The following LRRTM3 variants were observed in gnomAD, a reference collection of about 807,000 sequenced individuals.
The protein encoded by LRRTM3 is leucine rich repeat transmembrane neuronal 3.
LRRTM3 carries 24 observed loss-of-function variants against 44.7 expected under a neutral mutation model. The ratio of observed to expected loss-of-function variants is 0.54; its 90% CI spans 0.39 to 0.76. The LOEUF is 0.76. LRRTM3 is among the 30% of genes least tolerant of loss of function. The pLI is 0.00. For missense variants in LRRTM3, 587 were observed against 702.2 expected, an observed-to-expected ratio of 0.84 and a Z score of 1.85; for synonymous variants, 277 against 278.7, an observed-to-expected ratio of 0.99 and a Z score of 0.06.
intron 2 of LRRTM3, among the ~76,000 whole-genome samples, chr10:66,933,318 C>T (rs891367254): frequency 6.6e-6 from 1 of 152,186 alleles, no homozygotes; most frequent in East Asian, 1.9e-4. Flanking sequence ...TCACAATGTA[C>T]AACAGACATA....
chr10:66,938,014 C>T (rs944290578), intron 2 of LRRTM3, among the ~76,000 whole-genome samples: 4 of 151,974 alleles, frequency 2.6e-5, no homozygotes, highest in Non-Finnish European at 5.9e-5. Context: ...CCAATGGTGG[C>T]TGATACAGTC....
In LRRTM3 at chr10:67,018,729, A is replaced by T. The variant is rs937622863; in HGVS notation, c.1537-78858A>T. On this transcript the variant is annotated intron_variant, in intron 2 of 2. Coordinates refer to ENST00000361320, the MANE Select transcript of LRRTM3 (RefSeq NM_178011.5). ...TCCTCATATGCAAAATGAGAATGACATTAATTAAGGTTTTGTTGTGAAGAT... is the reference window on the plus strand; with the variant it reads ...TCCTCATATGCAAAATGAGAATGACTTTAATTAAGGTTTTGTTGTGAAGAT... 2.0e-5 allele frequency among the ~76,000 whole-genome samples: 3 copies of T among 152,228 alleles called. No individual in the cohort carries two copies. The East Asian group carries it at 5.8e-4, about 29-fold the overall frequency.
At chr10:67,030,788 G>A (rs1011595515) in intron 2 of LRRTM3, among the ~76,000 whole-genome samples, 22 of 152,066 alleles carry the variant, frequency 1.4e-4, no homozygotes, top group African/African-American at 4.8e-4. Flanking sequence ...GGCAGATCAC[G>A]AGGTCAGGAG....
At chr10:67,040,165 G>A (rs1465651452) in intron 2 of LRRTM3, among the ~76,000 whole-genome samples, 1 of 152,056 alleles carries the variant, frequency 6.6e-6, no homozygotes, top group East Asian at 1.9e-4. Context: ...GTTAAGTGAA[G>A]GGAAACAAGC....
chr10:67,083,092 T>A (rs1190602341), intron 2 of LRRTM3, among the ~76,000 whole-genome samples: 2 of 152,058 alleles, frequency 1.3e-5, no homozygotes, highest in Non-Finnish European at 2.9e-5. Flanking sequence ...CCAGTGAGCA[T>A]CCTGGTATAA....
In LRRTM3 at chr10:67,052,978, CACTG is replaced by C. The variant is rs1855205240; in HGVS notation, c.1537-44605_1537-44602del. Reference sequence around the variant, plus strand: ...CCTCAAAGTATGTTCATTGTACTTACACTGACTATGTGTTTCAGTTGTAAAGAAA... The same window carrying C: ...CCTCAAAGTATGTTCATTGTACTTACACTATGTGTTTCAGTTGTAAAGAAA... On this transcript the variant is annotated intron_variant, in intron 2 of 2. Transcript: ENST00000361320. Among the ~76,000 whole-genome samples the C allele has an allele frequency of 2.0e-5, 3 of 152,304 alleles. No homozygotes were observed. The South Asian group carries it at 6.2e-4, about 32-fold the overall frequency.
At chr10:67,093,203 CAA>C (rs1191579055) in intron 2 of LRRTM3, among the ~76,000 whole-genome samples, 11 of 151,898 alleles carry the variant, frequency 7.2e-5, no homozygotes, top group Admixed American at 3.9e-4. Context: ...TCTGGAGAAG[CAA>C]ATGCCTTATT....
intron 2 of LRRTM3, among the ~76,000 whole-genome samples, chr10:66,957,729 G>C (rs1180100958): frequency 6.6e-6 from 1 of 151,982 alleles, no homozygotes; most frequent in Non-Finnish European, 1.5e-5. Context: ...GACAGCATCA[G>C]CAGGATGGCA....
At chr10:67,077,557 T>C (rs1400685924) in intron 2 of LRRTM3, among the ~76,000 whole-genome samples, 4 of 152,118 alleles carry the variant, frequency 2.6e-5, no homozygotes, top group Non-Finnish European at 2.9e-5. Context: ...TTCCTCCCAC[T>C]TTCTACTTGA....
rs181427905 is a variant in LRRTM3, at chr10:67,019,941, C to T, written c.1537-77646C>T. Among the ~76,000 whole-genome samples the T allele has an allele frequency of 3.4e-3, 511 of 152,184 alleles. 1 individual carries two copies. The highest frequency in any genetic ancestry group is 0.012 in the African/African-American group (485 of 41,524). On this transcript the variant is annotated intron_variant, in intron 2 of 2. Transcript: ENST00000361320. ...ATTAAATGCATTTATGAAATAAGAA[C>T]GTCACTTGTTTAATTTGCTTTAAAT...
intron 2 of LRRTM3, among the ~76,000 whole-genome samples, chr10:67,043,869 A>G (rs1215247550): frequency 3.3e-5 from 5 of 151,432 alleles, no homozygotes; most frequent in African/African-American, 1.2e-4. Context: ...TATGCCCAAC[A>G]TTCTGTTCTG....
rs896965642 is a variant in LRRTM3 at position 67,038,047 on chromosome 10, G to T, written c.1537-59540G>T. Among the ~76,000 whole-genome samples the T allele has an allele frequency of 2.0e-5, 3 of 152,008 alleles. No homozygotes were observed. In the East Asian group the frequency reaches 5.8e-4, roughly 29 times the overall value. On this transcript the variant is annotated intron_variant, in intron 2 of 2. Coordinates refer to ENST00000361320, the MANE Select transcript of LRRTM3 (RefSeq NM_178011.5). ...AGATTTTACATCTAATAATATTGTT[G>T]ACTGTGTCCACCTGTAGTGGCAAAC...
chr10:67,021,339 A>C (rs1853002404), intron 2 of LRRTM3, among the ~76,000 whole-genome samples: 2 of 152,166 alleles, frequency 1.3e-5, no homozygotes, highest in African/African-American at 4.8e-5. Context: ...TGTAAGAAGC[A>C]CTTGTATACA....
At chr10:67,006,146 G>T (rs1851974843) in intron 2 of LRRTM3, among the ~76,000 whole-genome samples, 1 of 152,126 alleles carries the variant, frequency 6.6e-6, no homozygotes, top group Non-Finnish European at 1.5e-5. Context: ...TCCTGTGCCT[G>T]TTTCTTGCAG....
chr10:67,000,162 G>A (rs1454013934), intron 2 of LRRTM3, among the ~76,000 whole-genome samples: 1 of 152,198 alleles, frequency 6.6e-6, no homozygotes, highest in Non-Finnish European at 1.5e-5. Context: ...CTGGTTTCCT[G>A]AAGACAGCTT....
chr10:67,011,328 A>G (rs10822959), intron 2 of LRRTM3, among the ~76,000 whole-genome samples: 78,785 of 145,704 alleles, frequency 0.54, 21,964 homozygotes, highest in Middle Eastern at 0.74. Context: ...GGCAGAGCAA[A>G]AGTCTGTCTC....
At chr10:66,934,269 CTTTTTA>C (rs1176029137) in intron 2 of LRRTM3, among the ~76,000 whole-genome samples, 1 of 151,948 alleles carries the variant, frequency 6.6e-6, no homozygotes, top group African/African-American at 2.4e-5. Flanking sequence ...TCCATGTTTT[CTTTTTA>C]TTTTTAAGGG....
intron 2 of LRRTM3, among the ~76,000 whole-genome samples, chr10:66,971,600 G>A (rs1415143455): frequency 1.3e-5 from 2 of 152,012 alleles, no homozygotes; most frequent in African/African-American, 4.8e-5. Flanking sequence ...ATTACTTTAT[G>A]TAATGCACCT....
chr10:67,019,497 C>T (rs930651557), intron 2 of LRRTM3, among the ~76,000 whole-genome samples: 11 of 152,216 alleles, frequency 7.2e-5, no homozygotes, highest in Non-Finnish European at 1.3e-4. Context: ...GGATTACAGG[C>T]ATGAGCCACC....
Sources: allele counts gnomAD v4.1 joint callset (sites outside exome capture counted in the v4.1 genomes callset), GRCh38; gene constraint gnomAD v4.1.1; transcripts MANE v1.5; gene names NCBI Gene and HGNC (gene_info 2026-07-23, HGNC 2026-07-21).